COL10A1: variants seen among roughly 807,000 people sequenced by gnomAD.
COL10A1 encodes collagen alpha-1(X) chain.
COL10A1 carries 10 observed loss-of-function variants against 18.2 expected under a neutral mutation model. The ratio of observed to expected loss-of-function variants is 0.55; its 90% confidence interval spans 0.34 to 0.93. The LOEUF (loss-of-function observed/expected upper bound fraction) is 0.93. Ranked by LOEUF, COL10A1 falls within the 40% of genes least tolerant of loss-of-function variation. The probability of loss-of-function intolerance (pLI) is 0.02; values close to 1 mark genes in which losing one functional copy is unlikely to be tolerated. For synonymous variants in COL10A1, 330 were observed against 316.6 expected, an observed-to-expected ratio of 1.04 and a Z score of -0.45; for missense variants, 897 against 853.5, an observed-to-expected ratio of 1.05 and a Z score of -0.64.
chr6:116,170,816 T>C, the COL10A1 span, among the ~76,000 whole-genome samples: 1 of 152,164 alleles, frequency 6.6e-6, no homozygotes, highest in Non-Finnish European at 1.5e-5. Flanking sequence ...TAGAAGATCT[T>C]GCAGTTCTCA....
the COL10A1 span, among the ~76,000 whole-genome samples, chr6:116,164,426 C>G: frequency 6.6e-6 from 1 of 152,066 alleles, no homozygotes; most frequent in Non-Finnish European, 1.5e-5. Context: ...TTTTGTTCCC[C>G]ATTTGCATGA....
chr6:116,200,025 G>A, the COL10A1 span, among the ~76,000 whole-genome samples: 2 of 151,592 alleles, frequency 1.3e-5, no homozygotes, highest in African/African-American at 4.9e-5. Context: ...ACTTTGCAGT[G>A]GGGCAACCTG....
chr6:116,128,534 G>T (rs560034778), upstream of COL10A1, among the ~76,000 whole-genome samples: 1 of 152,194 alleles, frequency 6.6e-6, no homozygotes, highest in Non-Finnish European at 1.5e-5. Flanking sequence ...ACATCTGGCA[G>T]TTAGCTACTA....
chr6:116,157,783 G>A (rs1780233641), intron 1 of COL10A1, among the ~76,000 whole-genome samples: 1 of 152,102 alleles, frequency 6.6e-6, no homozygotes, highest in Non-Finnish European at 1.5e-5. Context: ...CTCTAACGGG[G>A]AAATCAAAAA....
At chr6:116,147,551 T>A (rs1779930003) in intron 1 of COL10A1, among the ~76,000 whole-genome samples, 1 of 152,192 alleles carries the variant, frequency 6.6e-6, no homozygotes, top group African/African-American at 2.4e-5. Context: ...AAGTTCATTT[T>A]AAAAAGTATT....
chr6:116,156,028 G>A (rs1780184612), intron 1 of COL10A1, among the ~76,000 whole-genome samples: 1 of 152,092 alleles, frequency 6.6e-6, no homozygotes, highest in South Asian at 2.1e-4. Context: ...TTTATCTCCT[G>A]TAATAAAACA....
chr6:116,122,078 T>C, intron 2 of COL10A1, 117 bp from the exon 3 acceptor site: 2 of 929,340 alleles, frequency 2.2e-6, no homozygotes, highest in Non-Finnish European at 3.5e-6. Flanking sequence ...ATTTATTCCA[T>C]GTAGACAGAA....
upstream of COL10A1, among the ~76,000 whole-genome samples, chr6:116,130,979 T>G (rs1489496186): frequency 1.6e-4 from 24 of 152,206 alleles, no homozygotes; most frequent in Admixed American, 1.6e-3. Flanking sequence ...GTTGATTCAA[T>G]GTGGTAATAC....
the COL10A1 span, among the ~76,000 whole-genome samples, chr6:116,169,231 G>A: frequency 2.6e-5 from 4 of 152,170 alleles, no homozygotes; most frequent in African/African-American, 9.7e-5. Flanking sequence ...TGGTTCTTCA[G>A]TGCTGTTAAG....
chr6:116,150,927 C>T (rs879474421), intron 1 of COL10A1, among the ~76,000 whole-genome samples: 5 of 152,054 alleles, frequency 3.3e-5, no homozygotes, highest in Non-Finnish European at 7.4e-5. Flanking sequence ...CTATGATTGA[C>T]ATTTAAATTT....
chr6:116,166,446 A>G, the COL10A1 span, among the ~76,000 whole-genome samples: 1 of 152,236 alleles, frequency 6.6e-6, no homozygotes, highest in Non-Finnish European at 1.5e-5. Flanking sequence ...CTAAGAAATC[A>G]CAATGGAAGA....
At chr6:116,199,078 C>A in the COL10A1 span, among the ~76,000 whole-genome samples, 1 of 151,996 alleles carries the variant, frequency 6.6e-6, no homozygotes, top group Non-Finnish European at 1.5e-5. Flanking sequence ...AGTAGCAGCA[C>A]CCTCCACCCA....
At chr6:116,177,230 A>G in the COL10A1 span, among the ~76,000 whole-genome samples, 2 of 152,180 alleles carry the variant, frequency 1.3e-5, no homozygotes, top group Non-Finnish European at 2.9e-5. Flanking sequence ...CTCATAGATT[A>G]TGTTTCTTTG....
the COL10A1 span, among the ~76,000 whole-genome samples, chr6:116,191,644 G>A: frequency 2.0e-4 from 30 of 152,182 alleles, no homozygotes; most frequent in African/African-American, 6.7e-4. Flanking sequence ...AATACAGTCT[G>A]TCTAAACTAA....
intron 2 of COL10A1, among the ~76,000 whole-genome samples, chr6:116,123,021 A>G (rs1779181733): frequency 6.6e-6 from 1 of 152,234 alleles, no homozygotes; most frequent in South Asian, 2.1e-4. Context: ...GGATATTGAT[A>G]TATTGCAAAT....
intron 1 of COL10A1, among the ~76,000 whole-genome samples, chr6:116,156,088 C>A (rs1308912432): frequency 6.6e-6 from 1 of 152,138 alleles, no homozygotes; most frequent in African/African-American, 2.4e-5. Context: ...ACTTAAAAAT[C>A]TTGAAGTTAT....
At chr6:116,216,174 A>G in the COL10A1 span, among the ~76,000 whole-genome samples, 3 of 152,268 alleles carry the variant, frequency 2.0e-5, no homozygotes, top group African/African-American at 7.2e-5. Flanking sequence ...AACAGTTATT[A>G]TTTGTTGATT....
the COL10A1 span, among the ~76,000 whole-genome samples, chr6:116,188,593 G>T: frequency 6.6e-6 from 1 of 151,896 alleles, no homozygotes; most frequent in Non-Finnish European, 1.5e-5. Context: ...GGTTACACTA[G>T]AGCATAATTA....
chr6:116,180,199 A>T, the COL10A1 span, among the ~76,000 whole-genome samples: 2 of 152,054 alleles, frequency 1.3e-5, no homozygotes, highest in East Asian at 3.8e-4. Context: ...ATTTTATTTA[A>T]ATGTTTTCTT....
Sources: allele counts gnomAD v4.1 joint callset (sites outside exome capture counted in the v4.1 genomes callset), GRCh38; gene constraint gnomAD v4.1.1; transcripts MANE v1.5; gene names NCBI Gene and HGNC (gene_info 2026-07-23, HGNC 2026-07-21).